Variants in RELN observed in about 807,000 individuals in gnomAD.
RELN encodes reelin.
In RELN, 108 loss-of-function variants were observed where a neutral mutation model predicts 427.6. That is an observed-to-expected ratio of 0.25 (90% CI 0.22 to 0.30). RELN has a LOEUF of 0.30. Among genes scored for constraint, RELN ranks in the 10% least tolerant of loss-of-function variants. The pLI is 1.00. For synonymous variants in RELN, 1,524 were observed against 1,513.4 expected (o/e 1.01, Z -0.16); for missense variants, 3,715 against 4,302.8 (o/e 0.86, Z 3.82).
At chr7:103,938,378 T>C (rs1362848738) in intron 1 of RELN, among the ~76,000 whole-genome samples, 1 of 152,212 alleles carries the variant, frequency 6.6e-6, no homozygotes, top group Non-Finnish European at 1.5e-5. Flanking sequence ...TTTAGAAATA[T>C]ACCTCTAAAG....
At chr7:103,617,921 T>G (rs1331927159) in intron 20 of RELN, among the ~76,000 whole-genome samples, 1 of 152,094 alleles carries the variant, frequency 6.6e-6, no homozygotes, top group Non-Finnish European at 1.5e-5. Flanking sequence ...CTGCCCTCTC[T>G]CCTGCTTCCT....
chr7:103,938,151 T>C (rs1796028314), intron 1 of RELN, among the ~76,000 whole-genome samples: 1 of 152,012 alleles, frequency 6.6e-6, no homozygotes, highest in South Asian at 2.1e-4. Context: ...TAAAACCCTG[T>C]CTCTACTAAA....
chr7:103,827,637 T>C (rs1185627023), intron 3 of RELN, among the ~76,000 whole-genome samples: 1 of 151,962 alleles, frequency 6.6e-6, no homozygotes, highest in East Asian at 1.9e-4. Context: ...TTAAATGTGA[T>C]GAAAAACAGG....
chr7:103,979,552 A>G (rs1446756858), intron 1 of RELN, among the ~76,000 whole-genome samples: 3 of 152,198 alleles, frequency 2.0e-5, no homozygotes, highest in Non-Finnish European at 4.4e-5. Flanking sequence ...TAACTCCACA[A>G]AGGCAAGTAA....
intron 30 of RELN, among the ~76,000 whole-genome samples, chr7:103,572,981 C>T (rs1181642986): frequency 1.3e-5 from 2 of 152,180 alleles, no homozygotes; most frequent in Non-Finnish European, 2.9e-5. Flanking sequence ...ATTTGTTGCC[C>T]AGGCTGGAGT....
intron 2 of RELN, among the ~76,000 whole-genome samples, chr7:103,906,319 G>A (rs1412055021): frequency 1.3e-5 from 2 of 152,094 alleles, no homozygotes; most frequent in Non-Finnish European, 2.9e-5. Flanking sequence ...TGCTCTTTTT[G>A]CCTTGGGTTC....
intron 11 of RELN, among the ~76,000 whole-genome samples, chr7:103,669,634 T>C (rs1833347409): frequency 6.6e-6 from 1 of 151,944 alleles, no homozygotes; most frequent in South Asian, 2.1e-4. Flanking sequence ...ACCAAATCTT[T>C]GAGACCAGTA....
At chr7:103,838,455 A>T (rs1435456648) in intron 2 of RELN, among the ~76,000 whole-genome samples, 1 of 152,108 alleles carries the variant, frequency 6.6e-6, no homozygotes, top group Non-Finnish European at 1.5e-5. Context: ...CCCATGCAAG[A>T]CTCTACATTT....
At chr7:103,711,535 T>G (rs1467336109) in intron 8 of RELN, among the ~76,000 whole-genome samples, 1 of 152,260 alleles carries the variant, frequency 6.6e-6, no homozygotes, top group Non-Finnish European at 1.5e-5. Context: ...TTGAAATTTT[T>G]GAAATTCTTT....
intron 28 of RELN, 143 bp downstream of exon 28, chr7:103,589,453 T>A (rs1018951887): frequency 4.5e-6 from 3 of 662,942 alleles, no homozygotes; most frequent in Non-Finnish European, 8.0e-6. Context: ...CCTTTTAAGA[T>A]ATAAATAAAT....
chr7:103,820,818 A>G (rs1000871178), intron 3 of RELN, among the ~76,000 whole-genome samples: 2 of 152,092 alleles, frequency 1.3e-5, no homozygotes, highest in African/African-American at 4.8e-5. Context: ...ACTTAGCTTC[A>G]CTTTCTAATA....
Position 103,640,712 on chromosome 7 carries a change from G to T in RELN, c.2003-103C>A. The T allele has an allele frequency of 8.5e-7, 1 of 1,170,556 alleles. No homozygotes were observed. The highest frequency in any genetic ancestry group is 1.2e-6 in the Non-Finnish European group (1 of 802,852). 72.5% of individuals were successfully genotyped at this position (1,170,556 alleles called of 1,614,324 possible). The stretch of plus-strand genomic sequence containing the variant: ...AAATATGGCCCCTTGTGTGTATGTT[G>T]TGTGCAGGAACCCAGGGTGACATAT... On this transcript the variant is annotated intron_variant, in intron 16 of 64. Coordinates refer to ENST00000428762, the MANE Select transcript of RELN (RefSeq NM_005045.4). The surrounding 1 kb of genome is among the most constrained non-coding windows in gnomAD (Gnocchi z 4.1).
At chr7:103,568,123 A>T (rs75580614) in intron 31 of RELN, among the ~76,000 whole-genome samples, 2,664 of 152,100 alleles carry the variant, frequency 0.018, 65 homozygotes, top group African/African-American at 0.06. Context: ...GAAAATTATA[A>T]TTTTTTTTGC....
At chr7:103,890,771 C>T (rs1365695933) in intron 2 of RELN, among the ~76,000 whole-genome samples, 3 of 152,092 alleles carry the variant, frequency 2.0e-5, no homozygotes, top group Non-Finnish European at 4.4e-5. Context: ...AAGTGGGTAG[C>T]AGCAATTGAA....
chr7:103,628,171 C>T (rs1832369244), intron 20 of RELN: 1 of 152,158 alleles, frequency 6.6e-6, no homozygotes, highest in African/African-American at 2.4e-5. Context: ...TCTAAGAAAT[C>T]TCATTTTGTT....
intron 8 of RELN, among the ~76,000 whole-genome samples, chr7:103,715,471 G>A (rs1789914282): frequency 6.6e-6 from 1 of 152,054 alleles, no homozygotes; most frequent in African/African-American, 2.4e-5. Context: ...CTTTCTTTCT[G>A]GCTAAATGTG....
intron 1 of RELN, among the ~76,000 whole-genome samples, chr7:103,933,353 G>A (rs1282315348): frequency 6.6e-6 from 1 of 152,062 alleles, no homozygotes; most frequent in African/African-American, 2.4e-5. Context: ...TGGCATTCAT[G>A]AGCTAATCAA....
At chr7:103,596,757 T>C (rs1269403286) in intron 24 of RELN, 96 bp from the exon 25 acceptor site, 3 of 1,045,914 alleles carry the variant, frequency 2.9e-6, no homozygotes, top group African/African-American at 1.6e-5. Context: ...CTTAGCACTA[T>C]GTGGAAATGG....
intron 55 of RELN, among the ~76,000 whole-genome samples, chr7:103,497,241 ATACTT>A (rs1286430317): frequency 6.6e-6 from 1 of 152,222 alleles, no homozygotes; most frequent in Non-Finnish European, 1.5e-5. Context: ...ATACCTTAAA[ATACTT>A]TAGGGTCATC....
Sources: allele counts gnomAD v4.1 joint callset (sites outside exome capture counted in the v4.1 genomes callset), GRCh38; gene constraint gnomAD v4.1.1; non-coding constraint Gnocchi (gnomAD v3.1); transcripts MANE v1.5; gene names NCBI Gene and HGNC (gene_info 2026-07-23, HGNC 2026-07-21).